The following PLD1 variants were observed in gnomAD, a reference collection of about 807,000 sequenced individuals.
PLD1 encodes the protein choline phosphatase 1.
PLD1 carries 112 observed loss-of-function variants against 137.1 expected under a neutral mutation model. The observed-to-expected ratio is 0.82, with a 90% CI of 0.70 to 0.96. The LOEUF (loss-of-function observed/expected upper bound fraction) is 0.96, where lower values mean the gene tolerates loss of function less well. PLD1 is among the 40% of genes least tolerant of loss of function. The probability of loss-of-function intolerance (pLI) is 0.00; values close to 1 mark genes in which losing one functional copy is unlikely to be tolerated. For synonymous variants in PLD1, 431 were observed against 454.7 expected (o/e 0.95, Z 0.66); for missense variants, 1,321 against 1,342.0 (o/e 0.98, Z 0.24).
intron 1 of PLD1, among the ~76,000 whole-genome samples, chr3:171,776,093 G>A (rs944341186): frequency 6.6e-6 from 1 of 152,142 alleles, no homozygotes; most frequent in Non-Finnish European, 1.5e-5. Flanking sequence ...ACATGTATTA[G>A]CCTGTTAGTT....
At chr3:171,777,889 A>C (rs2108338010) in intron 1 of PLD1, among the ~76,000 whole-genome samples, 1 of 152,370 alleles carries the variant, frequency 6.6e-6, no homozygotes, top group South Asian at 2.1e-4. Flanking sequence ...TTTCTATTTT[A>C]TCTGGATGGG....
intron 24 of PLD1, among the ~76,000 whole-genome samples, chr3:171,616,806 G>A (rs895575946): frequency 3.3e-5 from 5 of 152,196 alleles, no homozygotes; most frequent in African/African-American, 1.2e-4. Context: ...ACCTACTGAA[G>A]TGTCAGATAA....
At chr3:171,756,880 T>C (rs1468253961) in intron 1 of PLD1, among the ~76,000 whole-genome samples, 3 of 152,196 alleles carry the variant, frequency 2.0e-5, no homozygotes, top group African/African-American at 7.2e-5. Flanking sequence ...AAATCTTGAA[T>C]TGTTCACTTT....
chr3:171,650,291 A>G (rs754297609), intron 21 of PLD1, among the ~76,000 whole-genome samples: 1 of 152,206 alleles, frequency 6.6e-6, no homozygotes, highest in Non-Finnish European at 1.5e-5. Context: ...TATGAGAGCC[A>G]GGAGGATCTG....
chr3:171,700,872 G>T (rs1560231128), intron 11 of PLD1, among the ~76,000 whole-genome samples: 1 of 152,172 alleles, frequency 6.6e-6, no homozygotes, highest in Non-Finnish European at 1.5e-5. Context: ...TCTAAAGTTA[G>T]TTTCTGAGTT....
intron 1 of PLD1, among the ~76,000 whole-genome samples, chr3:171,764,828 AAAGAAAGAAAGAAAGAAAGAAAG>A (rs1721703453): frequency 0.013 from 341 of 25,932 alleles, 38 homozygotes; most frequent in African/African-American, 0.02. Flanking sequence ...AAAGAAAGAG[AAAGAAAGAAAGAAAGAAAGAAAG>A]AAAGAAAGAA....
intron 1 of PLD1, among the ~76,000 whole-genome samples, chr3:171,803,159 A>G (rs577376663): frequency 6.6e-5 from 10 of 152,324 alleles, no homozygotes; most frequent in African/African-American, 1.9e-4. Context: ...GGAGAATTCT[A>G]TCTCTACAAA....
intron 1 of PLD1, among the ~76,000 whole-genome samples, chr3:171,788,354 A>G (rs1322002865): frequency 6.6e-6 from 1 of 150,458 alleles, no homozygotes. Flanking sequence ...CAGTTTACCA[A>G]CTGCTGAAAA....
At chr3:171,729,775 A>G (rs1718794516) in intron 6 of PLD1, among the ~76,000 whole-genome samples, 2 of 152,240 alleles carry the variant, frequency 1.3e-5, no homozygotes, top group Non-Finnish European at 2.9e-5. Context: ...AAATTAGTAT[A>G]GCTTTTCCCT....
intron 23 of PLD1, among the ~76,000 whole-genome samples, chr3:171,639,848 C>CTCTATA (rs3050415): frequency 2.4e-3 from 259 of 110,170 alleles, no homozygotes; most frequent in African/African-American, 6.2e-3. Context: ...CTCTCTCTCT[C>CTCTATA]TATATATATA....
At position 171,620,642 on chromosome 3, in the gene PLD1, T is replaced by C. The variant is rs1345541765; in HGVS notation, c.2594-122A>G. 3 of 438,912 alleles carry C rather than the reference T, an allele frequency of 6.8e-6. No individual in the cohort carries two copies. In the East Asian group the frequency reaches 1.0e-4, roughly 15 times the overall value. 27.2% of individuals were successfully genotyped at this position (438,912 alleles called of 1,614,324 possible). On this transcript the variant is annotated intron_variant, in intron 23 of 26. Coordinates refer to ENST00000351298, the MANE Select transcript of PLD1 (RefSeq NM_002662.5). ...TTCAGAATAGATTGTATATTATATG[T>C]ATATGTTTTCTATTTCAGAATTCAT...
At position 171,737,896 on chromosome 3, in the gene PLD1, T is replaced by C. The variant is rs554863032; in HGVS notation, c.156A>G (p.Gln52=). 5.3e-5 allele frequency: 85 copies of C among 1,613,566 alleles called. 1 individual carries two copies. In the South Asian group the frequency reaches 8.5e-4, roughly 16 times the overall value. ...GCTCAGATCATCCGTCTTTACCTTC[T>C]TGTATCTTGGGATCGCTGGGAGACA... ...YDVSPSDPKI[Q]EVYIPFSAIY... Residue 52 remains glutamine (Q), a synonymous_variant, in exon 2 of 27, where the codon CAA becomes CAG. Transcript: ENST00000351298.
At chr3:171,775,958 A>G (rs1722577374) in intron 1 of PLD1, among the ~76,000 whole-genome samples, 1 of 152,236 alleles carries the variant, frequency 6.6e-6, no homozygotes, top group Admixed American at 6.5e-5. Flanking sequence ...TATGAGATGG[A>G]GACAGCTTTC....
chr3:171,640,237 T>G (rs1289066065), intron 23 of PLD1, among the ~76,000 whole-genome samples: 3 of 151,952 alleles, frequency 2.0e-5, no homozygotes, highest in Non-Finnish European at 4.4e-5. Context: ...TCTACTTTCC[T>G]AAAATGTAAG....
At chr3:171,735,005 T>C in intron 4 of PLD1, 35 bp from the exon 5 acceptor site, 1 of 1,152,070 alleles carries the variant, frequency 8.7e-7, no homozygotes, top group South Asian at 1.3e-5. Flanking sequence ...AAACACCTAC[T>C]AGATTATTCT....
At chr3:171,644,869 A>G (rs1736061179) in intron 22 of PLD1, 41 bp downstream of exon 22, 1 of 1,198,814 alleles carries the variant, frequency 8.3e-7, no homozygotes. Context: ...TACATGATGC[A>G]TGACCGAAAG....
In PLD1 at chr3:171,715,890, G is replaced by A. The variant is rs1717644865; in HGVS notation, c.759-1845C>T. 1.3e-5 allele frequency among the ~76,000 whole-genome samples: 2 copies of A among 151,990 alleles called. 1 individual carries two copies. Among genetic ancestry groups the A allele is most frequent in the African/African-American group, 4.8e-5 (2 of 41,420 alleles). ...CAGGTACTAAGCATAGTACCTGACA[G>A]GCATTTTTTTCTGATCCTTTCCCTC... On this transcript the variant is annotated intron_variant, in intron 8 of 26. Coordinates refer to ENST00000351298, the MANE Select transcript of PLD1 (RefSeq NM_002662.5).
chr3:171,787,688 A>G (rs1404804676), intron 1 of PLD1, among the ~76,000 whole-genome samples: 3 of 152,160 alleles, frequency 2.0e-5, no homozygotes, highest in African/African-American at 7.2e-5. Context: ...TGTTGGGGGC[A>G]TGGTACAAAC....
intron 19 of PLD1, among the ~76,000 whole-genome samples, chr3:171,667,943 G>A (rs114091632): frequency 0.042 from 6,362 of 152,240 alleles, 184 homozygotes; most frequent in Non-Finnish European, 0.066. Context: ...GTGGAGACAG[G>A]GTTTCAATAC....
Sources: allele counts gnomAD v4.1 joint callset (sites outside exome capture counted in the v4.1 genomes callset), GRCh38; gene constraint gnomAD v4.1.1; transcripts MANE v1.5; gene names NCBI Gene and HGNC (gene_info 2026-07-23, HGNC 2026-07-21).